The following NLGN4Y variants were observed in gnomAD, a reference collection of about 807,000 sequenced individuals.
The protein encoded by NLGN4Y is neuroligin 4 Y-linked, also known as neuroligin-4, Y-linked.
NLGN4Y carries 4 observed loss-of-function variants against 8.4 expected under a neutral mutation model. The observed-to-expected ratio is 0.48, with a 90% CI of 0.23 to 1.09. NLGN4Y has a LOEUF of 1.09. NLGN4Y is among the 50% of genes least tolerant of loss of function. The pLI is 0.19. For missense variants in NLGN4Y, 90 were observed against 192.3 expected (o/e 0.47, Z 3.15); for synonymous variants, 35 against 75.6 (o/e 0.46, Z 2.78).
chrY:14,605,627 G>A (rs1025875657), intron 1 of NLGN4Y, among the ~76,000 whole-genome samples: 6 of 32,922 alleles, frequency 1.8e-4, no homozygotes, highest in African/African-American at 7.1e-4. Context: ...AACAGTATAT[G>A]TAGCCTTCTC....
chrY:14,564,298 G>C, intron 1 of NLGN4Y, among the ~76,000 whole-genome samples: 1 of 32,915 alleles, frequency 3.0e-5, no homozygotes, highest in Admixed American at 2.8e-4. Flanking sequence ...TCTCGAGAGG[G>C]GGGCCGAAGC....
intron 1 of NLGN4Y, among the ~76,000 whole-genome samples, chrY:14,602,350 C>T: frequency 3.0e-5 from 1 of 32,931 alleles, no homozygotes; most frequent in Non-Finnish European, 7.4e-5. Flanking sequence ...AAAAAATAAT[C>T]AGGTACATAG....
rs373187815 is a variant in NLGN4Y, at chrY:14,567,524, ATT to A, written c.-112+42833_-112+42834del. ...TACAAGTGTGAGCCACCACGCCCAG[ATT>A]TTTTTTTTTTTTTTTTATTGTAACA... is the stretch of plus-strand genomic sequence containing the variant. On this transcript the variant is annotated intron_variant, in intron 1 of 6. Coordinates refer to ENST00000684976, the MANE Select transcript of NLGN4Y (RefSeq NM_001365588.1). Among the ~76,000 whole-genome samples the A allele has an allele frequency of 2.3e-4, 5 of 21,642 alleles. No homozygotes were observed. In the East Asian group the frequency reaches 6.1e-3, roughly 26 times the overall value. The allele number at this position is 21,642 out of a possible 37,273, so 58.1% of individuals were successfully genotyped here.
intron 4 of NLGN4Y, among the ~76,000 whole-genome samples, chrY:14,738,899 A>T (rs781183295): frequency 0.031 from 1,012 of 32,515 alleles, no homozygotes; most frequent in Non-Finnish European, 0.04. Flanking sequence ...CCATATACTG[A>T]TATAATAATT....
At chrY:14,597,858 ACT>A (rs2080409069) in intron 1 of NLGN4Y, among the ~76,000 whole-genome samples, 1 of 26,325 alleles carries the variant, frequency 3.8e-5, no homozygotes, top group Admixed American at 3.4e-4. Context: ...AGATATAAAG[ACT>A]CTCCACGTCC....
intron 4 of NLGN4Y, among the ~76,000 whole-genome samples, chrY:14,743,202 G>T (rs1603503417): frequency 3.0e-5 from 1 of 33,087 alleles, no homozygotes; most frequent in South Asian, 6.7e-4. Context: ...TTTTAAAAGG[G>T]GTGAGGATAG....
chrY:14,540,099 G>GGT (rs1410635547), intron 1 of NLGN4Y, among the ~76,000 whole-genome samples: 132 of 14,442 alleles, frequency 9.1e-3, no homozygotes, highest in Middle Eastern at 0.031. Flanking sequence ...ACTCCAGCTT[G>GGT]GTGTGTGTGT....
chrY:14,794,414 T>C, intron 4 of NLGN4Y, among the ~76,000 whole-genome samples: 1 of 33,996 alleles, frequency 2.9e-5, no homozygotes, highest in African/African-American at 1.1e-4. Flanking sequence ...TTTGTTCTTT[T>C]ATAAATGTCA....
chrY:14,564,303 C>T (rs760635794), intron 1 of NLGN4Y, among the ~76,000 whole-genome samples: 1 of 32,861 alleles, frequency 3.0e-5, no homozygotes, highest in African/African-American at 1.2e-4. Context: ...AGAGGGGGGC[C>T]GAAGCCAGGG....
chrY:14,536,451 G>A (rs2080134599), intron 1 of NLGN4Y, among the ~76,000 whole-genome samples: 1 of 31,421 alleles, frequency 3.2e-5, no homozygotes, highest in Non-Finnish European at 7.6e-5. Flanking sequence ...GTTTCACCAC[G>A]TTAGCCAGGA....
chrY:14,844,008 A>G lies in NLGN4Y; in HGVS notation c.*2746A>G, dbSNP rs1415677571. The G allele has an allele frequency of 8.4e-6, 1 of 119,133 alleles. No homozygotes were observed. 29.7% of individuals were successfully genotyped at this position (119,133 alleles called of 400,897 possible). A position where few individuals can be genotyped will look rare whatever the true frequency, so the allele number is the denominator to read the frequency against. Reference sequence around the variant, plus strand: ...TCTTTCTTGGTAGGTGGAATATTTTATTTACTTTTGCCATTCTTTGAATGC... The same window carrying G: ...TCTTTCTTGGTAGGTGGAATATTTTGTTTACTTTTGCCATTCTTTGAATGC... On this transcript the variant is annotated 3_prime_UTR_variant, in exon 7 of 7. Transcript: ENST00000684976.
intron 2 of NLGN4Y, among the ~76,000 whole-genome samples, chrY:14,703,666 A>G: frequency 3.0e-5 from 1 of 32,951 alleles, no homozygotes; most frequent in African/African-American, 1.2e-4. Flanking sequence ...TTCCATATGA[A>G]CTTTAAAGTA....
intron 4 of NLGN4Y, among the ~76,000 whole-genome samples, chrY:14,812,469 T>C (rs2043084651): frequency 3.0e-5 from 1 of 33,467 alleles, no homozygotes; most frequent in Non-Finnish European, 7.4e-5. Flanking sequence ...AGCTTCATTT[T>C]AGGGAGAGTA....
chrY:14,651,979 ATAAT>A (rs2080631433), intron 2 of NLGN4Y, among the ~76,000 whole-genome samples: 2 of 33,448 alleles, frequency 6.0e-5, no homozygotes, highest in Admixed American at 2.8e-4. Context: ...ATTATTCTTC[ATAAT>A]TAGTGTGCTT....
chrY:14,598,715 A>G (rs866051826), intron 1 of NLGN4Y, among the ~76,000 whole-genome samples: 123 of 31,554 alleles, frequency 3.9e-3, no homozygotes, highest in African/African-American at 0.014. Context: ...GGGAGGTGCC[A>G]AGAGCAAGCA....
intron 1 of NLGN4Y, among the ~76,000 whole-genome samples, chrY:14,594,321 T>A: frequency 3.0e-5 from 1 of 33,373 alleles, no homozygotes; most frequent in Non-Finnish European, 7.4e-5. Flanking sequence ...CTCGGCATAG[T>A]GGACACGGAC....
chrY:14,794,932 C>G, intron 4 of NLGN4Y, among the ~76,000 whole-genome samples: 1 of 33,933 alleles, frequency 2.9e-5, no homozygotes. Context: ...TAGAGTGCAG[C>G]GGCATGATCT....
At chrY:14,653,205 T>C (rs2080635794) in intron 2 of NLGN4Y, among the ~76,000 whole-genome samples, 1 of 32,030 alleles carries the variant, frequency 3.1e-5, no homozygotes, top group African/African-American at 1.2e-4. Flanking sequence ...AAAATAATGA[T>C]AGAACACTAA....
intron 4 of NLGN4Y, among the ~76,000 whole-genome samples, chrY:14,781,356 C>T (rs2042943586): frequency 3.0e-5 from 1 of 33,501 alleles, no homozygotes; most frequent in Non-Finnish European, 7.4e-5. Context: ...AAGTTTATTC[C>T]GATTTGTAGC....
Sources: gnomAD v4.1 joint callset for allele counts (sites outside exome capture counted in the v4.1 genomes callset) on GRCh38, gnomAD v4.1.1 for gene constraint, MANE v1.5 for transcripts, NCBI Gene and HGNC (gene_info 2026-07-23, HGNC 2026-07-21) for gene names.